PALLD: variants seen among roughly 807,000 people sequenced by gnomAD.
The protein encoded by PALLD is palladin.
Under a neutral mutation model 123.5 loss-of-function variants are expected in PALLD, and 61 were observed. That is an observed-to-expected ratio of 0.49 (90% CI 0.40 to 0.61). The LOEUF (loss-of-function observed/expected upper bound fraction) is 0.61, where lower values mean the gene tolerates loss of function less well. PALLD is among the 20% of genes least tolerant of loss of function. The pLI, the probability that PALLD is intolerant of heterozygous loss-of-function variation, is 0.00. For missense variants in PALLD, 1,273 were observed against 1,377.0 expected (o/e 0.92, Z 1.20); for synonymous variants, 465 against 496.4 (o/e 0.94, Z 0.84).
At chr4:168,559,565 C>T (rs1006313730) in intron 2 of PALLD, among the ~76,000 whole-genome samples, 2 of 152,022 alleles carry the variant, frequency 1.3e-5, no homozygotes, top group African/African-American at 2.4e-5. Flanking sequence ...GTGATAATAT[C>T]AGAGCCATTT....
At chr4:168,899,254 TGG>T (rs534095694) in intron 14 of PALLD, among the ~76,000 whole-genome samples, 69 of 152,338 alleles carry the variant, frequency 4.5e-4, no homozygotes, top group Admixed American at 7.8e-4. Context: ...ATGACCTGGA[TGG>T]GAGCTCTCTC....
intron 10 of PALLD, among the ~76,000 whole-genome samples, chr4:168,845,007 C>T (rs1367517448): frequency 1.3e-5 from 2 of 151,976 alleles, no homozygotes; most frequent in African/African-American, 4.8e-5. Flanking sequence ...CAGGAGAGAA[C>T]CAAGAGCTGA....
At chr4:168,800,766 C>T (rs1352675218) in intron 10 of PALLD, among the ~76,000 whole-genome samples, 9 of 152,160 alleles carry the variant, frequency 5.9e-5, no homozygotes, top group Admixed American at 1.3e-4. Flanking sequence ...GAGTATATTT[C>T]TCAAAGAAAT....
chr4:168,837,626 C>G (rs1465514603), intron 10 of PALLD, among the ~76,000 whole-genome samples: 2 of 152,200 alleles, frequency 1.3e-5, no homozygotes, highest in African/African-American at 4.8e-5. Flanking sequence ...ATTTAATCCT[C>G]ACCACAATCC....
At chr4:168,874,038 T>C (rs1751425300) in intron 10 of PALLD, among the ~76,000 whole-genome samples, 1 of 152,182 alleles carries the variant, frequency 6.6e-6, no homozygotes, top group South Asian at 2.1e-4. Flanking sequence ...AGTAAAACAT[T>C]GTTCTTGTTT....
Position 168,497,533 on chromosome 4 carries a change from T to C in PALLD, c.-83+339T>C, listed in dbSNP as rs1424447578. 4.6e-5 allele frequency among the ~76,000 whole-genome samples: 7 copies of C among 152,340 alleles called. No individual in the cohort carries two copies. The East Asian group carries it at 1.2e-3, about 25-fold the overall frequency. On this transcript the variant is annotated intron_variant, in intron 1 of 21. Coordinates refer to ENST00000505667, the MANE Select transcript of PALLD (RefSeq NM_001166108.2). ...TTTTGTCAAGATCGTGTATGTGTTA[T>C]GTTTCACAGAAAAGGAAAACGCAGC...
intron 10 of PALLD, among the ~76,000 whole-genome samples, chr4:168,837,348 T>A (rs921691947): frequency 1.3e-5 from 2 of 152,236 alleles, no homozygotes; most frequent in Non-Finnish European, 2.9e-5. Context: ...ACATTAATGT[T>A]ACTTAGTTGT....
intron 2 of PALLD, among the ~76,000 whole-genome samples, chr4:168,657,773 G>A (rs1008472464): frequency 6.6e-6 from 1 of 152,172 alleles, no homozygotes. Flanking sequence ...TGTACAGTAA[G>A]GAGCAGATGA....
intron 2 of PALLD, among the ~76,000 whole-genome samples, chr4:168,536,854 G>C: frequency 6.7e-6 from 1 of 149,114 alleles, no homozygotes; most frequent in Admixed American, 6.7e-5. Context: ...TTGAGACGGA[G>C]TCTCACTCTG....
chr4:168,811,593 G>A (rs564299645), intron 10 of PALLD, among the ~76,000 whole-genome samples: 4 of 151,972 alleles, frequency 2.6e-5, no homozygotes, highest in Non-Finnish European at 4.4e-5. Context: ...AAAATTAGCC[G>A]GGCATAGTGG....
chr4:168,711,976 C>G, intron 10 of PALLD, 53 bp downstream of exon 10: 1 of 1,511,326 alleles, frequency 6.6e-7, no homozygotes, highest in East Asian at 2.3e-5. Context: ...GTTACATTTC[C>G]TGTCTGGTGA....
At chr4:168,610,242 C>T (rs542785504) in intron 2 of PALLD, among the ~76,000 whole-genome samples, 28 of 152,232 alleles carry the variant, frequency 1.8e-4, no homozygotes, top group Admixed American at 3.3e-4. Flanking sequence ...CAGTGTTTTT[C>T]CCTCAGAGCT....
At chr4:168,722,084 A>T (rs987246713) in intron 10 of PALLD, among the ~76,000 whole-genome samples, 1 of 152,184 alleles carries the variant, frequency 6.6e-6, no homozygotes, top group Admixed American at 6.5e-5. Context: ...TCACTCTGCC[A>T]CCCAGGCTGG....
At chr4:168,721,547 G>A (rs115805141) in intron 10 of PALLD, among the ~76,000 whole-genome samples, 161 of 152,258 alleles carry the variant, frequency 1.1e-3, no homozygotes, top group African/African-American at 3.6e-3. Flanking sequence ...TTGAGTGCTG[G>A]AAATTTGGGC....
chr4:168,667,122 T>C (rs538357657), intron 2 of PALLD, among the ~76,000 whole-genome samples: 1 of 152,284 alleles, frequency 6.6e-6, no homozygotes, highest in African/African-American at 2.4e-5. Context: ...GCAAACTCAT[T>C]TGCTTTATTA....
chr4:168,695,560 A>G (rs1407740274), intron 8 of PALLD, among the ~76,000 whole-genome samples: 1 of 152,202 alleles, frequency 6.6e-6, no homozygotes, highest in Admixed American at 6.5e-5. Flanking sequence ...TTTCTATGAC[A>G]TAATCTCTTT....
At chr4:168,816,276 C>G (rs1162034288) in intron 10 of PALLD, among the ~76,000 whole-genome samples, 3 of 151,976 alleles carry the variant, frequency 2.0e-5, no homozygotes, top group Non-Finnish European at 4.4e-5. Flanking sequence ...GTTTTCAACA[C>G]AAGAGAGCAA....
chr4:168,765,194 T>A (rs1281572130), intron 10 of PALLD, among the ~76,000 whole-genome samples: 1 of 152,128 alleles, frequency 6.6e-6, no homozygotes, highest in African/African-American at 2.4e-5. Context: ...TGAGATCACA[T>A]ATGCAAAACA....
chr4:168,829,804 T>C (rs575959975), intron 10 of PALLD, among the ~76,000 whole-genome samples: 2 of 152,328 alleles, frequency 1.3e-5, no homozygotes, highest in East Asian at 3.9e-4. Context: ...GGCAAAGTGA[T>C]TTTCACTCTT....
Sources: gnomAD v4.1 joint callset for allele counts (sites outside exome capture counted in the v4.1 genomes callset) on GRCh38, gnomAD v4.1.1 for gene constraint, MANE v1.5 for transcripts, NCBI Gene and HGNC (gene_info 2026-07-23, HGNC 2026-07-21) for gene names.